The following TMEM132D variants were observed in gnomAD, a reference collection of about 807,000 sequenced individuals.
TMEM132D encodes mature OL transmembrane protein.
A neutral mutation model predicts 62.3 loss-of-function variants in TMEM132D; 21 were observed. That is an observed-to-expected ratio of 0.34 (90% CI 0.24 to 0.49). TMEM132D has a LOEUF of 0.49. Ranked by LOEUF, TMEM132D falls within the 20% of genes least tolerant of loss-of-function variation. TMEM132D has a pLI of 0.99. For missense variants in TMEM132D, 1,346 were observed against 1,402.8 expected, an observed-to-expected ratio of 0.96 and a Z score of 0.65; for synonymous variants, 621 against 575.6, an observed-to-expected ratio of 1.08 and a Z score of -1.13.
intron 2 of TMEM132D, among the ~76,000 whole-genome samples, chr12:129,664,425 T>TA (rs1289007497): frequency 2.7e-5 from 4 of 147,736 alleles, no homozygotes; most frequent in Admixed American, 1.3e-4. Flanking sequence ...ACAAGAATTT[T>TA]TTTTTTTTTT....
At chr12:129,627,049 C>G (rs1349681141) in intron 2 of TMEM132D, among the ~76,000 whole-genome samples, 8 of 152,138 alleles carry the variant, frequency 5.3e-5, no homozygotes. Flanking sequence ...GTGATTGTGA[C>G]TAGTGTGACA....
chr12:129,524,714 A>T (rs1284862584), intron 3 of TMEM132D, among the ~76,000 whole-genome samples: 1 of 151,660 alleles, frequency 6.6e-6, no homozygotes, highest in Non-Finnish European at 1.5e-5. Context: ...ACTGACAAAT[A>T]TATCTCTAAA....
intron 5 of TMEM132D, among the ~76,000 whole-genome samples, chr12:129,137,606 G>T (rs1876621634): frequency 6.6e-6 from 1 of 152,178 alleles, no homozygotes; most frequent in South Asian, 2.1e-4. Flanking sequence ...TAGTGGCTCT[G>T]TGATACCTTC....
intron 4 of TMEM132D, among the ~76,000 whole-genome samples, chr12:129,279,774 C>T (rs1321946971): frequency 6.6e-6 from 1 of 152,192 alleles, no homozygotes; most frequent in East Asian, 1.9e-4. Flanking sequence ...AAATCAAGAA[C>T]AGCACAAGCG....
intron 2 of TMEM132D, among the ~76,000 whole-genome samples, chr12:129,656,990 T>C (rs1880102147): frequency 6.6e-6 from 1 of 152,176 alleles, no homozygotes; most frequent in Non-Finnish European, 1.5e-5. Context: ...AAGGGTGGAT[T>C]TGTAAATATC....
chr12:129,374,269 C>G lies in TMEM132D; in HGVS notation c.1116-36452G>C, dbSNP rs372737817. Among the ~76,000 whole-genome samples, 431 of 144,370 alleles carry G rather than the reference C, an allele frequency of 3.0e-3. 4 individuals carry two copies. The highest frequency in any genetic ancestry group is 0.011 in the African/African-American group (401 of 38,056). 94.7% of individuals were successfully genotyped at this position (144,370 alleles called of 152,430 possible). A position where few individuals can be genotyped will look rare whatever the true frequency, so the allele number is the denominator to read the frequency against. On this transcript the variant is annotated intron_variant, in intron 3 of 8. Transcript: ENST00000422113. Reference sequence around the variant, plus strand: ...GCCTTCTCACTGTAACCTCACACATCAGAGAGAGAGAGAGAGAGAGAGAGA... The same window carrying G: ...GCCTTCTCACTGTAACCTCACACATGAGAGAGAGAGAGAGAGAGAGAGAGA...
intron 2 of TMEM132D, among the ~76,000 whole-genome samples, chr12:129,617,613 G>A (rs905090810): frequency 3.3e-5 from 5 of 152,240 alleles, no homozygotes; most frequent in Non-Finnish European, 7.4e-5. Context: ...TTGTTGATGC[G>A]AGAGATGGAG....
chr12:129,182,848 A>G (rs945642991), intron 5 of TMEM132D, among the ~76,000 whole-genome samples: 6 of 152,164 alleles, frequency 3.9e-5, no homozygotes, highest in African/African-American at 1.2e-4. Context: ...GGCTAAAACA[A>G]CCACCACTGT....
intron 3 of TMEM132D, among the ~76,000 whole-genome samples, chr12:129,527,182 G>A (rs547803137): frequency 8.5e-5 from 13 of 152,172 alleles, no homozygotes; most frequent in South Asian, 8.3e-4. Flanking sequence ...GGTGGTGCAC[G>A]CCTGTAATCC....
rs372627496 is a variant in TMEM132D, at chr12:129,375,621, A to C, written c.1116-37804T>G. On this transcript the variant is annotated intron_variant, in intron 3 of 8. Coordinates refer to ENST00000422113, the MANE Select transcript of TMEM132D (RefSeq NM_133448.3). ...TATGAGATTTGTGGAGTAAGTATGG[A>C]GAGCATGCCCTTTAAATCAGTTGTC... 1.3e-4 allele frequency among the ~76,000 whole-genome samples: 20 copies of C among 152,322 alleles called. No individual in the cohort carries two copies. In the South Asian group the frequency reaches 4.1e-3, roughly 32 times the overall value.
At chr12:129,604,424 G>C (rs1878562102) in intron 2 of TMEM132D, among the ~76,000 whole-genome samples, 1 of 151,988 alleles carries the variant, frequency 6.6e-6, no homozygotes. Flanking sequence ...TCCAAGTTTG[G>C]GCATTTATGA....
intron 5 of TMEM132D, among the ~76,000 whole-genome samples, chr12:129,189,538 G>A (rs1878324295): frequency 6.6e-6 from 1 of 152,110 alleles, no homozygotes; most frequent in Non-Finnish European, 1.5e-5. Flanking sequence ...GTGGCCTGGA[G>A]AGCTGCCCAT....
chr12:129,194,563 G>A (rs1157086989), intron 5 of TMEM132D, among the ~76,000 whole-genome samples: 1 of 152,096 alleles, frequency 6.6e-6, no homozygotes, highest in Non-Finnish European at 1.5e-5. Context: ...TTCATGACAC[G>A]AGTTTACCTA....
chr12:129,146,187 G>A (rs982662117), intron 5 of TMEM132D, among the ~76,000 whole-genome samples: 3 of 151,750 alleles, frequency 2.0e-5, no homozygotes, highest in Non-Finnish European at 4.4e-5. Context: ...TCTCCAGAAC[G>A]TATTAGTCCT....
intron 2 of TMEM132D, among the ~76,000 whole-genome samples, chr12:129,560,188 C>A (rs1315881186): frequency 1.3e-5 from 2 of 152,098 alleles, no homozygotes; most frequent in African/African-American, 2.4e-5. Context: ...TGTACATCTT[C>A]TTTGAAAACA....
intron 1 of TMEM132D, among the ~76,000 whole-genome samples, chr12:129,886,362 G>T (rs552840420): frequency 6.6e-6 from 1 of 152,258 alleles, no homozygotes; most frequent in Admixed American, 6.5e-5. Context: ...AGAACTGTGT[G>T]TGAGAGAGAG....
chr12:129,487,018 G>A (rs1236917901), intron 3 of TMEM132D, among the ~76,000 whole-genome samples: 3 of 135,448 alleles, frequency 2.2e-5, no homozygotes, highest in African/African-American at 7.8e-5. Flanking sequence ...TGATGTCTGC[G>A]AATGTTTGCG....
intron 2 of TMEM132D, among the ~76,000 whole-genome samples, chr12:129,650,115 T>A (rs1879890526): frequency 6.6e-6 from 1 of 152,218 alleles, no homozygotes; most frequent in Admixed American, 6.5e-5. Context: ...AACCTGCCAC[T>A]TATACAGATA....
intron 3 of TMEM132D, among the ~76,000 whole-genome samples, chr12:129,412,058 C>T (rs192645116): frequency 6.6e-6 from 1 of 152,180 alleles, no homozygotes; most frequent in African/African-American, 2.4e-5. Context: ...CAGTAATCTA[C>T]ATTAGAATGT....
Sources: allele counts gnomAD v4.1 joint callset (sites outside exome capture counted in the v4.1 genomes callset), GRCh38; gene constraint gnomAD v4.1.1; transcripts MANE v1.5; gene names NCBI Gene and HGNC (gene_info 2026-07-23, HGNC 2026-07-21).